The following TGFBR3 variants were observed in gnomAD, a reference collection of about 807,000 sequenced individuals.
TGFBR3 encodes transforming growth factor beta receptor type 3.
In TGFBR3, 46 loss-of-function variants were observed where a neutral mutation model predicts 87.9. The observed-to-expected ratio is 0.52, with a 90% confidence interval of 0.41 to 0.67. The LOEUF (loss-of-function observed/expected upper bound fraction) is 0.67, where lower values mean the gene tolerates loss of function less well. TGFBR3 is among the 30% of genes least tolerant of loss of function. The pLI is 0.00. For missense variants in TGFBR3, 866 were observed against 1,041.9 expected, an observed-to-expected ratio of 0.83 and a Z score of 2.32; for synonymous variants, 381 against 391.6, an observed-to-expected ratio of 0.97 and a Z score of 0.32.
rs191956309 is a variant in TGFBR3 at position 91,879,263 on chromosome 1, T to C, written c.-114+6615A>G. Among the ~76,000 whole-genome samples, 659 of 143,766 alleles carry C rather than the reference T, an allele frequency of 4.6e-3. 9 individuals are homozygous for C. The highest frequency in any genetic ancestry group is 0.015 in the African/African-American group (624 of 40,620). The allele number at this position is 143,766 out of a possible 152,430, so 94.3% of individuals were successfully genotyped here. ...CAGCCTAAGCAACAGAGCAAGACTCTGTCTCAAAAAAAAAAATAACCATTA... is the reference window on the plus strand; with the variant it reads ...CAGCCTAAGCAACAGAGCAAGACTCCGTCTCAAAAAAAAAAATAACCATTA... On this transcript the variant is annotated intron_variant, in intron 1 of 16. Transcript: ENST00000212355.
intron 7 of TGFBR3, among the ~76,000 whole-genome samples, chr1:91,725,193 C>G (rs955034963): frequency 6.6e-6 from 1 of 152,136 alleles, no homozygotes; most frequent in African/African-American, 2.4e-5. Context: ...CTCTTTTGAC[C>G]ATTTTGCCAT....
intron 1 of TGFBR3, among the ~76,000 whole-genome samples, chr1:91,875,906 G>A (rs556732100): frequency 4.8e-4 from 45 of 92,872 alleles, no homozygotes; most frequent in African/African-American, 2.1e-3. Context: ...GTGAGACTCC[G>A]TCTCAAAAAA....
At chr1:91,713,211 G>C (rs927232552) in intron 12 of TGFBR3, among the ~76,000 whole-genome samples, 1 of 152,134 alleles carries the variant, frequency 6.6e-6, no homozygotes, top group Admixed American at 6.5e-5. Context: ...ATAAGCCCAG[G>C]GGTAGTTTAG....
At chr1:91,772,684 G>T (rs1396808196) in intron 3 of TGFBR3, among the ~76,000 whole-genome samples, 2 of 152,164 alleles carry the variant, frequency 1.3e-5, no homozygotes, top group Non-Finnish European at 2.9e-5. Flanking sequence ...GAAATGAGCT[G>T]AATTAAGCCT....
chr1:91,902,271 T>TGTG (rs1679737010), intron 1 of TGFBR3, among the ~76,000 whole-genome samples: 3 of 148,354 alleles, frequency 2.0e-5, no homozygotes, highest in African/African-American at 5.0e-5. Flanking sequence ...TCCTTTTCTT[T>TGTG]TGTGTGTGTG....
In TGFBR3 at chr1:91,719,409, T is replaced by C. The variant is rs138396794; in HGVS notation, c.1469A>G (p.Lys490Arg). The C allele has an allele frequency of 2.9e-4, 469 of 1,614,056 alleles. No homozygotes were observed. The highest frequency in any genetic ancestry group is 3.8e-4 in the Non-Finnish European group (445 of 1,180,028). The change falls in exon 10 of 17, where the codon AAG (lysine) becomes AGG (arginine). Residue 490 changes from lysine (K) to arginine (R), a missense_variant. Physicochemically the swap from Lys to Arg is conservative, Grantham distance 26. Transcript: ENST00000212355. ...VTLLDPTCKA[K>R]MNGTHFVLES... Reference sequence around the variant, plus strand: ...CAAAACAAAGTGTGTGCCATTCATCTTGGCCTTGCAGGTAGGATCCAACAG... The same window carrying C: ...CAAAACAAAGTGTGTGCCATTCATCCTGGCCTTGCAGGTAGGATCCAACAG...
At chr1:91,726,301 C>T (rs534250745) in intron 7 of TGFBR3, among the ~76,000 whole-genome samples, 36 of 152,296 alleles carry the variant, frequency 2.4e-4, no homozygotes, top group Admixed American at 4.6e-4. Context: ...CCTTTCAAAG[C>T]ATGATTCCCT....
chr1:91,894,922 C>A (rs764810296), intron 2 of TGFBR3, among the ~76,000 whole-genome samples: 2 of 152,166 alleles, frequency 1.3e-5, no homozygotes, highest in African/African-American at 2.4e-5. Context: ...AGGTATGTAC[C>A]ACCACACCTG....
chr1:91,804,790 C>G (rs1296872164), intron 2 of TGFBR3, among the ~76,000 whole-genome samples: 2 of 152,324 alleles, frequency 1.3e-5, no homozygotes, highest in African/African-American at 2.4e-5. Flanking sequence ...CCGGCAGCCT[C>G]AAAAGGCTGG....
intron 3 of TGFBR3, chr1:91,766,482 T>C (rs1381108773): frequency 6.6e-6 from 1 of 151,666 alleles, no homozygotes. Flanking sequence ...TCAAACTGCA[T>C]AATAAAGAGA....
intron 3 of TGFBR3, among the ~76,000 whole-genome samples, chr1:91,761,825 G>A (rs1216703436): frequency 6.6e-6 from 1 of 151,982 alleles, no homozygotes; most frequent in African/African-American, 2.4e-5. Context: ...ATAGCTCAGG[G>A]TAGACTACAG....
intron 4 of TGFBR3, among the ~76,000 whole-genome samples, chr1:91,739,148 G>A (rs149047159): frequency 7.2e-5 from 11 of 152,308 alleles, no homozygotes; most frequent in South Asian, 2.1e-4. Context: ...CTTGTAGACC[G>A]TTGTAAGGAC....
In TGFBR3 at chr1:91,682,101, T is replaced by A. The variant is rs775366817; in HGVS notation, c.*1638A>T. On this transcript the variant is annotated 3_prime_UTR_variant, in exon 17 of 17. Coordinates refer to ENST00000212355, the MANE Select transcript of TGFBR3 (RefSeq NM_003243.5). ...ATATCTATCAGGTAAGTCATATTAT[T>A]ACTCAACGATTTGGTAAAAATGATT... The A allele has an allele frequency of 1.1e-5, 5 of 454,106 alleles. No homozygotes were observed. Among genetic ancestry groups the A allele is most frequent in the South Asian group, 7.8e-5 (5 of 64,480 alleles). 28.1% of individuals were successfully genotyped at this position (454,106 alleles called of 1,614,324 possible).
At chr1:91,701,802 A>C (rs1250553630) in intron 14 of TGFBR3, among the ~76,000 whole-genome samples, 1 of 152,168 alleles carries the variant, frequency 6.6e-6, no homozygotes, top group Non-Finnish European at 1.5e-5. Flanking sequence ...AAGAATGGGG[A>C]GAGGAAGATT....
At chr1:91,757,183 A>G (rs749756126) in intron 4 of TGFBR3, among the ~76,000 whole-genome samples, 2 of 152,154 alleles carry the variant, frequency 1.3e-5, no homozygotes, top group African/African-American at 2.4e-5. Flanking sequence ...TTCATGACTG[A>G]TACTTTTGAA....
At chr1:91,693,802 C>G (rs1357940724) in intron 16 of TGFBR3, among the ~76,000 whole-genome samples, 1 of 152,182 alleles carries the variant, frequency 6.6e-6, no homozygotes, top group Admixed American at 6.5e-5. Flanking sequence ...AACCTCTCAG[C>G]CAGGCAGGAG....
chr1:91,681,025 T>C lies in TGFBR3; in HGVS notation c.*2714A>G. 2 of 454,052 alleles carry C rather than the reference T, an allele frequency of 4.4e-6. No homozygotes were observed. The highest frequency in any genetic ancestry group is 3.1e-5 in the South Asian group (2 of 64,466). 28.1% of individuals were successfully genotyped at this position (454,052 alleles called of 1,614,324 possible). On this transcript the variant is annotated 3_prime_UTR_variant, in exon 17 of 17. Coordinates refer to ENST00000212355, the MANE Select transcript of TGFBR3 (RefSeq NM_003243.5). ...AGTTTGGGGCATTTTAACAACAGCT[T>C]CAGCATCAAACAAACAACAAAATGG...
intron 3 of TGFBR3, among the ~76,000 whole-genome samples, chr1:91,776,406 C>T (rs1054858133): frequency 2.0e-5 from 3 of 152,224 alleles, no homozygotes; most frequent in Admixed American, 6.5e-5. Flanking sequence ...CCCAGAGCCA[C>T]TCAGAGTGCA....
chr1:91,872,967 G>T (rs1678638378), intron 1 of TGFBR3, among the ~76,000 whole-genome samples: 1 of 151,712 alleles, frequency 6.6e-6, no homozygotes, highest in East Asian at 1.9e-4. Flanking sequence ...TTTTTTGACG[G>T]GGTGGTGGGA....
Sources: gnomAD v4.1 joint callset for allele counts (sites outside exome capture counted in the v4.1 genomes callset) on GRCh38, gnomAD v4.1.1 for gene constraint, MANE v1.5 for transcripts, NCBI Gene and HGNC (gene_info 2026-07-23, HGNC 2026-07-21) for gene names.